The following PKP4 variants were observed in gnomAD, a reference collection of about 807,000 sequenced individuals.
PKP4 encodes plakophilin-4.
A neutral mutation model predicts 145.1 loss-of-function variants in PKP4; 90 were observed. That is an observed-to-expected ratio of 0.62 (90% CI 0.52 to 0.74). The LOEUF (loss-of-function observed/expected upper bound fraction) is 0.74, where lower values mean the gene tolerates loss of function less well. Among genes scored for constraint, PKP4 ranks in the 30% least tolerant of loss-of-function variants. PKP4 has a pLI of 0.00. For synonymous variants in PKP4, 563 were observed against 577.2 expected, an observed-to-expected ratio of 0.98 and a Z score of 0.35; for missense variants, 1,340 against 1,482.7, an observed-to-expected ratio of 0.90 and a Z score of 1.58.
At chr2:158,568,772 A>G (rs915465808) in intron 2 of PKP4, among the ~76,000 whole-genome samples, 40 of 152,124 alleles carry the variant, frequency 2.6e-4, no homozygotes, top group African/African-American at 9.4e-4. Flanking sequence ...TCTGGAGTTC[A>G]CAACCAGCCT....
intron 2 of PKP4, among the ~76,000 whole-genome samples, chr2:158,536,429 T>G (rs1051524457): frequency 6.6e-6 from 1 of 152,194 alleles, no homozygotes; most frequent in Non-Finnish European, 1.5e-5. Context: ...AGAGGAAAAG[T>G]CTGGGTTCTT....
At chr2:158,544,111 G>A (rs919811188) in intron 2 of PKP4, among the ~76,000 whole-genome samples, 1 of 152,172 alleles carries the variant, frequency 6.6e-6, no homozygotes, top group African/African-American at 2.4e-5. Context: ...CACAGAGCTT[G>A]TGCTCTTGCC....
At chr2:158,546,622 A>G (rs1002208963) in intron 2 of PKP4, among the ~76,000 whole-genome samples, 4 of 152,212 alleles carry the variant, frequency 2.6e-5, no homozygotes, top group African/African-American at 2.4e-5. Flanking sequence ...TTCACTTTTG[A>G]GAACAAGATT....
chr2:158,597,164 T>A (rs2049828135), intron 3 of PKP4, among the ~76,000 whole-genome samples: 1 of 152,222 alleles, frequency 6.6e-6, no homozygotes, highest in Admixed American at 6.5e-5. Context: ...TGGCTGGTGC[T>A]CAATAAATGA....
intron 2 of PKP4, among the ~76,000 whole-genome samples, chr2:158,554,637 G>A (rs1411222990): frequency 6.6e-6 from 1 of 152,040 alleles, no homozygotes; most frequent in African/African-American, 2.4e-5. Flanking sequence ...GTGTTAGCCA[G>A]GATGGTCTCG....
chr2:158,640,402 C>G (rs536654521), intron 9 of PKP4, among the ~76,000 whole-genome samples: 6 of 152,362 alleles, frequency 3.9e-5, no homozygotes, highest in African/African-American at 1.2e-4. Context: ...TCCCCTGAAT[C>G]TCTTTCTGTG....
chr2:158,566,166 C>T (rs1473565364), intron 2 of PKP4, among the ~76,000 whole-genome samples: 1 of 152,128 alleles, frequency 6.6e-6, no homozygotes, highest in South Asian at 2.1e-4. Context: ...CATTAACTTG[C>T]TAGCCAAACC....
intron 2 of PKP4, among the ~76,000 whole-genome samples, chr2:158,573,599 G>A (rs1285295837): frequency 6.7e-6 from 1 of 150,102 alleles, no homozygotes; most frequent in Non-Finnish European, 1.5e-5. Context: ...TATTTTTGAA[G>A]TGTCTCACAA....
Position 158,478,213 on chromosome 2 carries a change from AT to A in PKP4, c.-6+21005del, listed in dbSNP as rs143953401. Among the ~76,000 whole-genome samples, 90 of 150,420 alleles carry A rather than the reference AT, an allele frequency of 6.0e-4. No homozygotes were observed. The East Asian group carries it at 0.01, about 17-fold the overall frequency. On this transcript the variant is annotated intron_variant, in intron 1 of 21. Coordinates refer to ENST00000389759, the MANE Select transcript of PKP4 (RefSeq NM_003628.6). ...AGATTTTAAAGACATTATTATTTAG[AT>A]TTTTTTTTTGATTAGGGAAGCATTC...
chr2:158,458,379 T>C (rs927480402), intron 1 of PKP4: 1 of 152,528 alleles, frequency 6.6e-6, no homozygotes, highest in South Asian at 2.1e-4. Flanking sequence ...GGTAATTCTT[T>C]GGGGCTCCAG....
At chr2:158,474,040 G>T (rs1002836734) in intron 1 of PKP4, among the ~76,000 whole-genome samples, 1 of 152,096 alleles carries the variant, frequency 6.6e-6, no homozygotes, top group Admixed American at 6.5e-5. Flanking sequence ...TGTTTACTGG[G>T]TATTTTTTCA....
rs2058367281 is a variant in PKP4 at position 158,680,438 on chromosome 2, C to CATCAACATCT, written c.3340_3341insATCAACATCT (p.Leu1114HisfsTer7). 3 of 1,600,894 alleles carry CATCAACATCT rather than the reference C, an allele frequency of 1.9e-6. No homozygotes were observed. In the African/African-American group the frequency reaches 4.0e-5, roughly 22 times the overall value. ...TTCATTTTGTCAACAGCATCAACAG[C>CATCAACATCT]TGTATTATAGTCAAGATGACTCCAA... is the stretch of plus-strand genomic sequence containing the variant. On this transcript the variant is annotated frameshift_variant, in exon 22 of 22. Transcript: ENST00000389759. LOFTEE classifies it high-confidence loss of function.
chr2:158,555,821 G>A (rs2046039681), intron 2 of PKP4, among the ~76,000 whole-genome samples: 2 of 152,164 alleles, frequency 1.3e-5, no homozygotes, highest in South Asian at 4.1e-4. Context: ...TTTCTTCTGT[G>A]GCCTATTTTT....
At chr2:158,585,612 A>G (rs1272171414) in intron 3 of PKP4, among the ~76,000 whole-genome samples, 2 of 152,194 alleles carry the variant, frequency 1.3e-5, no homozygotes, top group Non-Finnish European at 2.9e-5. Context: ...TAGAAAATGA[A>G]GAATCTTTGA....
At chr2:158,477,230 C>T (rs1692621266) in intron 1 of PKP4, among the ~76,000 whole-genome samples, 1 of 151,138 alleles carries the variant, frequency 6.6e-6, no homozygotes, top group Non-Finnish European at 1.5e-5. Context: ...ATATGCAGTT[C>T]TTTCCTTTTA....
intron 1 of PKP4, among the ~76,000 whole-genome samples, chr2:158,459,269 A>G (rs1404374954): frequency 6.7e-6 from 1 of 150,098 alleles, no homozygotes; most frequent in African/African-American, 2.5e-5. Context: ...AAAGCATCAT[A>G]TGTGTGTTTT....
intron 21 of PKP4, 49 bp from the exon 22 acceptor site, chr2:158,680,380 A>G: frequency 6.9e-7 from 1 of 1,441,936 alleles, no homozygotes; most frequent in Non-Finnish European, 9.4e-7. Flanking sequence ...TAACACATGT[A>G]TTTTTAAAAA....
At chr2:158,565,466 T>A (rs2046894913) in intron 2 of PKP4, among the ~76,000 whole-genome samples, 1 of 147,342 alleles carries the variant, frequency 6.8e-6, no homozygotes, top group Admixed American at 6.9e-5. Flanking sequence ...TTCTGCCCTA[T>A]AGATCTAACA....
At chr2:158,674,152 AT>A in intron 19 of PKP4, 152 bp downstream of exon 19, 1 of 691,638 alleles carries the variant, frequency 1.4e-6, no homozygotes, top group Middle Eastern at 2.5e-4. Context: ...ACACACCATT[AT>A]AAACCACAAG....
Sources: allele counts gnomAD v4.1 joint callset (sites outside exome capture counted in the v4.1 genomes callset), GRCh38; gene constraint gnomAD v4.1.1; transcripts MANE v1.5; gene names NCBI Gene and HGNC (gene_info 2026-07-23, HGNC 2026-07-21).